ARMH4: variants seen among roughly 807,000 people sequenced by gnomAD.
The protein encoded by ARMH4 is armadillo-like helical domain-containing protein 4.
A neutral mutation model predicts 61.9 loss-of-function variants in ARMH4; 49 were observed. The ratio of observed to expected loss-of-function variants is 0.79; its 90% confidence interval spans 0.63 to 1.00. The LOEUF is 1.00. Ranked by LOEUF, ARMH4 falls within the 50% of genes least tolerant of loss-of-function variation. The pLI, the probability that ARMH4 is intolerant of heterozygous loss-of-function variation, is 0.00. For synonymous variants in ARMH4, 368 were observed against 341.5 expected (o/e 1.08, Z -0.85); for missense variants, 934 against 930.0 (o/e 1.00, Z -0.06).
chr14:58,102,316 C>G (rs955096127), intron 4 of ARMH4, among the ~76,000 whole-genome samples: 4 of 152,078 alleles, frequency 2.6e-5, no homozygotes, highest in African/African-American at 7.2e-5. Context: ...GAAAAGCGGA[C>G]AGACTTGACA....
intron 5 of ARMH4, among the ~76,000 whole-genome samples, chr14:58,066,861 T>G (rs1341336567): frequency 6.6e-6 from 1 of 152,186 alleles, no homozygotes; most frequent in Non-Finnish European, 1.5e-5. Context: ...AGTGTGAAAA[T>G]CATTTGTATC....
At chr14:58,076,117 G>A (rs1053909749) in intron 5 of ARMH4, among the ~76,000 whole-genome samples, 1 of 150,218 alleles carries the variant, frequency 6.7e-6, no homozygotes, top group Non-Finnish European at 1.5e-5. Flanking sequence ...AGGGGGAAGG[G>A]GAGGAGGAGG....
At chr14:58,095,443 CTAAA>C (rs1261495739) in intron 5 of ARMH4, among the ~76,000 whole-genome samples, 1 of 152,184 alleles carries the variant, frequency 6.6e-6, no homozygotes, top group African/African-American at 2.4e-5. Flanking sequence ...GCATTTCAGA[CTAAA>C]TATTCATTCA....
chr14:58,079,399 G>A (rs527496716), intron 5 of ARMH4, among the ~76,000 whole-genome samples: 13 of 152,226 alleles, frequency 8.5e-5, no homozygotes, highest in African/African-American at 2.4e-4. Flanking sequence ...TTGCACTCCC[G>A]CTTTTTACCA....
rs144339386 is a variant in ARMH4, at chr14:58,148,160, C to T, written c.-57+3915G>A. On this transcript the variant is annotated intron_variant, in intron 1 of 7. Transcript: ENST00000267485. ...CTCCCAGGTTCAAGCAATTCTCCTG[C>T]CTCAGCCTCCCGAGTAGCTAGGATA... 3.9e-5 allele frequency among the ~76,000 whole-genome samples: 6 copies of T among 152,296 alleles called. No homozygotes were observed. In the East Asian group the frequency reaches 1.2e-3, roughly 29 times the overall value.
Position 58,138,031 on chromosome 14 carries a change from T to C in ARMH4, c.1328A>G (p.Tyr443Cys). Residue 443 changes from tyrosine to cysteine, a missense_variant, in exon 2 of 8, where the codon TAT becomes TGT. Physicochemically the swap from Tyr to Cys is radical, Grantham distance 194. Transcript: ENST00000267485. ...FLETTVSVSV[Y>C]ESEADQLLGN... ...CAACAGTTGGTCTGCCTCAGACTCATATACAGAGACAGAAACAGTGGTTTC... is the reference window on the plus strand; with the variant it reads ...CAACAGTTGGTCTGCCTCAGACTCACATACAGAGACAGAAACAGTGGTTTC... 1 of 1,614,218 alleles carries C rather than the reference T, an allele frequency of 6.2e-7. No individual in the cohort carries two copies. Among genetic ancestry groups the C allele is most frequent in the Non-Finnish European group, 8.5e-7 (1 of 1,180,002 alleles).
chr14:58,006,330 T>A (rs1053263458), intron 6 of ARMH4, among the ~76,000 whole-genome samples: 7 of 152,216 alleles, frequency 4.6e-5, no homozygotes, highest in Admixed American at 4.6e-4. Context: ...GACTATTTTT[T>A]AAATTTTTAA....
rs766194742 is a variant in ARMH4, at chr14:58,096,714, T to C, written c.2089+10A>G. 3 of 1,611,106 alleles carry C rather than the reference T, an allele frequency of 1.9e-6. No individual in the cohort carries two copies. Among genetic ancestry groups the C allele is most frequent in the East Asian group, 2.2e-5 (1 of 44,792 alleles). On this transcript the variant is annotated intron_variant, in intron 5 of 7. Transcript: ENST00000267485. ...GAAGGGAGGAAAAGGGAAATACACA[T>C]GACTCTTACCCAGGCCTTGATTCTG...
At chr14:58,095,743 CCCAGAATTACAT>C (rs1885727443) in intron 5 of ARMH4, among the ~76,000 whole-genome samples, 1 of 152,154 alleles carries the variant, frequency 6.6e-6, no homozygotes, top group East Asian at 1.9e-4. Flanking sequence ...GAGTGCAACT[CCCAGAATTACAT>C]CCAGAGCAAA....
chr14:58,133,908 C>T (rs927083420), intron 2 of ARMH4, among the ~76,000 whole-genome samples: 4 of 152,324 alleles, frequency 2.6e-5, no homozygotes, highest in African/African-American at 7.2e-5. Context: ...GTACTAATAT[C>T]ATTCCACAGA....
At chr14:58,141,709 C>G in intron 1 of ARMH4, 1 of 291,504 alleles carries the variant, frequency 3.4e-6, no homozygotes, top group Admixed American at 4.9e-5. Context: ...TGCCCAGGCC[C>G]CATGGCCCTG....
chr14:58,099,202 T>G (rs779671049), intron 4 of ARMH4, among the ~76,000 whole-genome samples: 1,532 of 152,224 alleles, frequency 0.01, 28 homozygotes, highest in African/African-American at 0.034. Context: ...TAGAGATAAA[T>G]TTTGGGAATT....
chr14:58,087,313 G>C (rs1307734839), intron 5 of ARMH4, among the ~76,000 whole-genome samples: 1 of 152,094 alleles, frequency 6.6e-6, no homozygotes, highest in African/African-American at 2.4e-5. Flanking sequence ...AGATGCAGCT[G>C]GTCCAAAGGT....
chr14:58,060,590 A>G (rs1353808624), intron 5 of ARMH4, among the ~76,000 whole-genome samples: 1 of 152,190 alleles, frequency 6.6e-6, no homozygotes, highest in Admixed American at 6.5e-5. Context: ...CATCTGTGAC[A>G]TTGACTTTGT....
intron 4 of ARMH4, among the ~76,000 whole-genome samples, chr14:58,126,734 G>A (rs1401763309): frequency 6.6e-6 from 1 of 151,218 alleles, no homozygotes; most frequent in Non-Finnish European, 1.5e-5. Flanking sequence ...GTAGTTAAAG[G>A]ATATATTTGG....
chr14:58,044,783 C>T (rs569875843), intron 5 of ARMH4, among the ~76,000 whole-genome samples: 18 of 151,990 alleles, frequency 1.2e-4, no homozygotes, highest in Non-Finnish European at 2.4e-4. Flanking sequence ...AAAACAACCC[C>T]ATCAAAAAGT....
At chr14:58,049,053 T>A (rs138285849) in intron 5 of ARMH4, among the ~76,000 whole-genome samples, 3 of 151,896 alleles carry the variant, frequency 2.0e-5, no homozygotes, top group South Asian at 2.1e-4. Context: ...CTGGCTAACA[T>A]GGTGAAACCC....
chr14:58,070,284 CT>C (rs1884842604), intron 5 of ARMH4, among the ~76,000 whole-genome samples: 2 of 152,120 alleles, frequency 1.3e-5, no homozygotes, highest in Non-Finnish European at 2.9e-5. Flanking sequence ...TAGGTCACCT[CT>C]TTCTTTGAGT....
At chr14:58,091,830 C>A (rs992130591) in intron 5 of ARMH4, among the ~76,000 whole-genome samples, 12 of 152,166 alleles carry the variant, frequency 7.9e-5, no homozygotes, top group Admixed American at 7.9e-4. Flanking sequence ...ACCCATCAGT[C>A]AATACACCTC....
Sources: allele counts gnomAD v4.1 joint callset (sites outside exome capture counted in the v4.1 genomes callset), GRCh38; gene constraint gnomAD v4.1.1; transcripts MANE v1.5; gene names NCBI Gene and HGNC (gene_info 2026-07-23, HGNC 2026-07-21).